The following KIAA1671 variants were observed in gnomAD, a reference collection of about 807,000 sequenced individuals.
KIAA1671 encodes uncharacterized protein KIAA1671.
Under a neutral mutation model 131.2 loss-of-function variants are expected in KIAA1671, and 52 were observed. That is an observed-to-expected ratio of 0.40 (90% CI 0.32 to 0.50). KIAA1671 has a LOEUF of 0.50. KIAA1671 is among the 20% of genes least tolerant of loss of function. KIAA1671 has a pLI of 0.73. For missense variants in KIAA1671, 2,360 were observed against 2,364.2 expected (o/e 1.00, Z 0.04); for synonymous variants, 1,003 against 961.6 (o/e 1.04, Z -0.80).
Position 25,039,137 on chromosome 22 carries a change from G to C in KIAA1671, c.2007G>C (p.Lys669Asn). The C allele has an allele frequency of 6.4e-7, 1 of 1,551,550 alleles. No homozygotes were observed. Among genetic ancestry groups the C allele is most frequent in the Non-Finnish European group, 8.7e-7 (1 of 1,147,026 alleles). ...GRDPPDMTKL[K>N]KENSRGFDNP... ...ACCCACCAGACATGACAAAACTGAA[G>C]AAAGAGAACTCCAGAGGGTTTGACA... The change falls in exon 5 of 13, where the codon AAG becomes AAC. Residue 669 changes from lysine (K) to asparagine (N), a missense_variant. Physicochemically the swap from Lys to Asn is moderately conservative, Grantham distance 94. Around this residue, in one of 3 missense-constraint regions of KIAA1671, gnomAD observed 1,185 missense variants for 1,126.2 expected, o/e 1.05. Coordinates refer to ENST00000358431, the MANE Select transcript of KIAA1671 (RefSeq NM_001145206.2).
chr22:25,114,051 G>A (rs1453235650), intron 6 of KIAA1671, among the ~76,000 whole-genome samples: 3 of 152,206 alleles, frequency 2.0e-5, no homozygotes, highest in African/African-American at 4.8e-5. Context: ...TGTGTTACAG[G>A]TTGGTGCCAC....
chr22:25,041,057 A>T lies in KIAA1671; in HGVS notation c.3927A>T (p.Pro1309=). Residue 1309 remains proline, a synonymous_variant, in exon 5 of 13, where the codon CCA becomes CCT. Transcript: ENST00000358431. ...LPPSAPSERY[P]GGSPIPADPR... The stretch of plus-strand genomic sequence containing the variant: ...CCTCGGCTCCTTCTGAAAGGTATCC[A>T]GGGGGCTCTCCTATACCTGCGGATC... The T allele has an allele frequency of 6.6e-7, 1 of 1,521,168 alleles. No homozygotes were observed. Among genetic ancestry groups the T allele is most frequent in the South Asian group, 1.3e-5 (1 of 78,860 alleles). The allele number at this position is 1,521,168 out of a possible 1,614,324, so 94.2% of individuals were successfully genotyped here.
At position 25,028,374 on chromosome 22, in the gene KIAA1671, G is replaced by A; in HGVS notation, c.375G>A (p.Arg125=). The A allele has an allele frequency of 6.4e-7, 1 of 1,550,916 alleles. No individual in the cohort carries two copies. Among genetic ancestry groups the A allele is most frequent in the Non-Finnish European group, 8.7e-7 (1 of 1,146,936 alleles). The change falls in exon 3 of 13, where the codon AGG becomes AGA. Residue 125 remains arginine, a synonymous_variant. Transcript: ENST00000358431. ...AGGTGGGCAGTGGGGAGGGCCCGAG[G>A]ACGAGCTCGCCCCTCTTCAACAAGG... ...GQEVGSGEGP[R]TSSPLFNKAV... is the part of the protein sequence containing the mutation.
At chr22:25,134,994 A>G (rs1932608883) in intron 6 of KIAA1671, among the ~76,000 whole-genome samples, 1 of 152,202 alleles carries the variant, frequency 6.6e-6, no homozygotes, top group Non-Finnish European at 1.5e-5. Context: ...TCCATTTTCT[A>G]GGGGTGACCA....
chr22:25,078,937 T>C (rs1320969315), intron 6 of KIAA1671, among the ~76,000 whole-genome samples: 2 of 152,142 alleles, frequency 1.3e-5, no homozygotes, highest in Non-Finnish European at 2.9e-5. Flanking sequence ...GGGCCACTTA[T>C]TAATAGAGCA....
intron 6 of KIAA1671, chr22:25,051,652 T>C (rs1927541038): frequency 6.6e-6 from 1 of 152,174 alleles, no homozygotes; most frequent in Non-Finnish European, 1.5e-5. Flanking sequence ...ATTCTCTTTT[T>C]ATAAAAGGGG....
At chr22:25,116,976 C>T (rs1931696480) in intron 6 of KIAA1671, among the ~76,000 whole-genome samples, 1 of 152,130 alleles carries the variant, frequency 6.6e-6, no homozygotes, top group Admixed American at 6.5e-5. Flanking sequence ...ATATATTGGG[C>T]TACATAATTG....
At chr22:24,956,663 G>C (rs149617624) in intron 1 of KIAA1671, among the ~76,000 whole-genome samples, 1 of 151,942 alleles carries the variant, frequency 6.6e-6, no homozygotes, top group Non-Finnish European at 1.5e-5. Flanking sequence ...TCAGGAGATC[G>C]AGACCATCCT....
intron 6 of KIAA1671, among the ~76,000 whole-genome samples, chr22:25,149,944 C>T (rs1670413490): frequency 6.6e-6 from 1 of 152,210 alleles, no homozygotes; most frequent in Non-Finnish European, 1.5e-5. Context: ...TGCCCTTCGT[C>T]TGTGTTGCAT....
Position 25,040,004 on chromosome 22 carries a change from T to G in KIAA1671, c.2874T>G (p.Phe958Leu). The G allele has an allele frequency of 1.4e-5, 21 of 1,551,390 alleles. No homozygotes were observed. Among genetic ancestry groups the G allele is most frequent in the Non-Finnish European group, 1.7e-5 (20 of 1,146,798 alleles). ...GGACTTTACCCCCCAACGTGAAATT[T>G]GATACATTCAGTTCTCTTGTCCCAG... ...RRRTLPPNVKFDTFSSLVPED... is the reference protein window; with the variant it reads ...RRRTLPPNVKLDTFSSLVPED... Residue 958 changes from phenylalanine (F) to leucine (L), a missense_variant, in exon 5 of 13, where the codon TTT becomes TTG. By Grantham distance (22) the Phe-to-Leu change is conservative. This residue lies in a region of KIAA1671 where 1,161 missense variants were observed against 1,204.7 expected (regional missense o/e 0.96). Transcript: ENST00000358431.
chr22:25,003,400 A>ATTTTTTTTTTTTTTT (rs71191013), intron 1 of KIAA1671, among the ~76,000 whole-genome samples: 4 of 113,844 alleles, frequency 3.5e-5, no homozygotes, highest in African/African-American at 1.7e-4. Context: ...ACTTGGAGAG[A>ATTTTTTTTTTTTTTT]TTTTTTTTTT....
In KIAA1671 at chr22:24,990,354, G is replaced by A. The variant is rs927809257; in HGVS notation, c.-207-35279G>A. ...AATCCGCCTGCCTCGGCCTCCAGAA[G>A]TGGTAGGATTAAAGGTGTGAGCCAC... On this transcript the variant is annotated intron_variant, in intron 1 of 12. Transcript: ENST00000358431. Among the ~76,000 whole-genome samples the A allele has an allele frequency of 3.9e-5, 6 of 152,318 alleles. No homozygotes were observed. In the East Asian group the frequency reaches 9.6e-4, roughly 24 times the overall value.
chr22:25,186,042 G>A (rs1934464928), intron 11 of KIAA1671: 4 of 152,242 alleles, frequency 2.6e-5, no homozygotes. Flanking sequence ...GCTAAATCCA[G>A]CCCACATCAG....
intron 6 of KIAA1671, among the ~76,000 whole-genome samples, chr22:25,065,764 C>G (rs149461545): frequency 6.6e-6 from 1 of 151,592 alleles, no homozygotes; most frequent in East Asian, 1.9e-4. Flanking sequence ...CTCAGCCTCC[C>G]GAGTAGGTGG....
At chr22:24,969,642 G>C (rs1922493895) in intron 1 of KIAA1671, among the ~76,000 whole-genome samples, 1 of 152,146 alleles carries the variant, frequency 6.6e-6, no homozygotes. Context: ...CTAATATTCT[G>C]GGCTGTGATT....
chr22:25,182,755 T>G (rs1022746988), intron 10 of KIAA1671, among the ~76,000 whole-genome samples: 1 of 152,192 alleles, frequency 6.6e-6, no homozygotes, highest in Non-Finnish European at 1.5e-5. Context: ...AGAATCCAAC[T>G]GGTGACGCTC....
intron 1 of KIAA1671, among the ~76,000 whole-genome samples, chr22:24,995,534 AT>A (rs1334571120): frequency 6.8e-6 from 1 of 147,184 alleles, no homozygotes; most frequent in Non-Finnish European, 1.5e-5. Flanking sequence ...TCGTTTTTGT[AT>A]TCTCTGTAGA....
chr22:25,189,008 A>T (rs918595705), intron 11 of KIAA1671, among the ~76,000 whole-genome samples: 1 of 152,116 alleles, frequency 6.6e-6, no homozygotes. Context: ...GAATTGGCTC[A>T]TGTGATTGTG....
chr22:25,159,897 CT>C (rs900019666), intron 6 of KIAA1671, among the ~76,000 whole-genome samples: 1 of 152,190 alleles, frequency 6.6e-6, no homozygotes, highest in African/African-American at 2.4e-5. Context: ...GTTAGCATAT[CT>C]GTGGAATGTT....
Sources: allele counts gnomAD v4.1 joint callset (sites outside exome capture counted in the v4.1 genomes callset), GRCh38; gene constraint gnomAD v4.1.1; regional missense constraint gnomAD v4.1.1; transcripts MANE v1.5; gene names NCBI Gene and HGNC (gene_info 2026-07-23, HGNC 2026-07-21).